WHRN: variants seen among roughly 807,000 people sequenced by gnomAD.
WHRN encodes the protein CASK-interacting protein CIP98.
In WHRN, 41 loss-of-function variants were observed where a neutral mutation model predicts 68.3. That is an observed-to-expected ratio of 0.60 (90% CI 0.47 to 0.78). The LOEUF (loss-of-function observed/expected upper bound fraction) is 0.78. WHRN is among the 30% of genes least tolerant of loss of function. The pLI is 0.00. For missense variants in WHRN, 1,243 were observed against 1,244.7 expected, an observed-to-expected ratio of 1.00 and a Z score of 0.02; for synonymous variants, 560 against 561.3, an observed-to-expected ratio of 1.00 and a Z score of 0.03.
At chr9:114,403,766 C>T (rs1834829843) in intron 10 of WHRN, 130 bp downstream of exon 10, 8 of 1,172,374 alleles carry the variant, frequency 6.8e-6, no homozygotes, top group Non-Finnish European at 1.0e-5. Flanking sequence ...CAAATCCCTC[C>T]AGTTATAGGG....
At chr9:114,471,569 A>G (rs1217379328) in intron 2 of WHRN, among the ~76,000 whole-genome samples, 2 of 152,178 alleles carry the variant, frequency 1.3e-5, no homozygotes, top group East Asian at 3.8e-4. Context: ...CAGTCTATAA[A>G]AAGAATTGTG....
intron 3 of WHRN, among the ~76,000 whole-genome samples, chr9:114,442,659 T>C (rs141657124): frequency 6.6e-6 from 1 of 152,144 alleles, no homozygotes; most frequent in East Asian, 1.9e-4. Flanking sequence ...GGAGATCTAG[T>C]TGTCAAAAAG....
intron 3 of WHRN, among the ~76,000 whole-genome samples, chr9:114,444,152 T>C (rs781479851): frequency 2.0e-5 from 3 of 152,136 alleles, no homozygotes; most frequent in Non-Finnish European, 4.4e-5. Flanking sequence ...CCGTACCCCA[T>C]CTAGATGAGG....
intron 1 of WHRN, among the ~76,000 whole-genome samples, chr9:114,479,121 C>T (rs1042298016): frequency 6.6e-6 from 1 of 152,178 alleles, no homozygotes; most frequent in African/African-American, 2.4e-5. Context: ...TCCCACCATT[C>T]CCTGACTGAG....
chr9:114,468,869 C>T (rs1486639401), intron 2 of WHRN, among the ~76,000 whole-genome samples: 1 of 152,190 alleles, frequency 6.6e-6, no homozygotes, highest in Non-Finnish European at 1.5e-5. Flanking sequence ...TCTGAGGGCA[C>T]CTGGGTTCAA....
chr9:114,492,001 T>C, intron 1 of WHRN, among the ~76,000 whole-genome samples: 1 of 119,572 alleles, frequency 8.4e-6, no homozygotes, highest in South Asian at 3.5e-4. Flanking sequence ...GTATTAAAAG[T>C]AGCTTTGTAA....
rs1842116830 is a variant in WHRN, at chr9:114,481,861, T to C, written c.619-3090A>G. Among the ~76,000 whole-genome samples, 3 of 152,272 alleles carry C rather than the reference T, an allele frequency of 2.0e-5. No homozygotes were observed. The South Asian group carries it at 6.2e-4, about 32-fold the overall frequency. ...ACACATCAGGTCCTCATGACACTTA[T>C]GCCTGGTGAGGAACAAGGCATTGCC... On this transcript the variant is annotated intron_variant, in intron 1 of 11. Transcript: ENST00000362057.
chr9:114,410,255 C>T (rs937161549), intron 7 of WHRN, among the ~76,000 whole-genome samples: 4 of 152,230 alleles, frequency 2.6e-5, no homozygotes, highest in Non-Finnish European at 5.9e-5. Context: ...CTGTCTGTCT[C>T]TCTCAATAGG....
At chr9:114,501,940 T>C (rs938870806) in intron 1 of WHRN, among the ~76,000 whole-genome samples, 6 of 152,238 alleles carry the variant, frequency 3.9e-5, no homozygotes, top group Non-Finnish European at 7.3e-5. Flanking sequence ...CTCTTAATTT[T>C]GTGGAAATGT....
rs538864024 is a variant in WHRN, at chr9:114,409,908, T to C, written c.1627-1890A>G. Among the ~76,000 whole-genome samples, 11 of 152,026 alleles carry C rather than the reference T, an allele frequency of 7.2e-5. No homozygotes were observed. In the South Asian group the frequency reaches 2.1e-3, roughly 29 times the overall value. On this transcript the variant is annotated intron_variant, in intron 7 of 11. Transcript: ENST00000362057. ...GCTAGGGAGTCATGCCAGAAACACA[T>C]GTCAGGTCTCTCTGCAGCTCAGGAC...
At chr9:114,432,326 C>G (rs970479660) in intron 3 of WHRN, among the ~76,000 whole-genome samples, 1 of 152,174 alleles carries the variant, frequency 6.6e-6, no homozygotes. Flanking sequence ...GGCGCAGGAG[C>G]CCCAGGAGGA....
chr9:114,430,424 T>G (rs1837313986), intron 3 of WHRN, among the ~76,000 whole-genome samples: 1 of 152,224 alleles, frequency 6.6e-6, no homozygotes, highest in Non-Finnish European at 1.5e-5. Context: ...CCTGTGTTTT[T>G]ATTACTGAAA....
chr9:114,456,849 G>A (rs890723617), intron 3 of WHRN, among the ~76,000 whole-genome samples: 14 of 150,644 alleles, frequency 9.3e-5, no homozygotes, highest in Admixed American at 9.2e-4. Flanking sequence ...AAAAGTATAT[G>A]GATTAGGAAT....
chr9:114,402,661 C>T lies in WHRN; in HGVS notation c.*93G>A. ...TCTTCCTGCCACCCTGGCCATGCAG[C>T]CCCAACCCCGCAAGGAGCTTGATGA... On this transcript the variant is annotated 3_prime_UTR_variant, in exon 12 of 12. Transcript: ENST00000362057. 1 of 1,529,944 alleles carries T rather than the reference C, an allele frequency of 6.5e-7. No individual in the cohort carries two copies. Among genetic ancestry groups the T allele is most frequent in the Non-Finnish European group, 9.0e-7 (1 of 1,111,860 alleles). The allele number at this position is 1,529,944 out of a possible 1,614,324, so 94.8% of individuals were successfully genotyped here.
chr9:114,436,824 A>G (rs780574888), intron 3 of WHRN, among the ~76,000 whole-genome samples: 86 of 152,126 alleles, frequency 5.7e-4, no homozygotes, highest in Non-Finnish European at 1.0e-3. Context: ...GCAAGACTCC[A>G]TCTCAAAAAA....
chr9:114,466,465 C>T, intron 2 of WHRN, 73 bp from the exon 3 acceptor site: 1 of 1,601,916 alleles, frequency 6.2e-7, no homozygotes, highest in African/African-American at 1.3e-5. Flanking sequence ...GCTGCAAAGC[C>T]CCCTCTCGTA....
intron 7 of WHRN, among the ~76,000 whole-genome samples, chr9:114,418,560 A>T (rs1835997242): frequency 6.6e-6 from 1 of 152,212 alleles, no homozygotes; most frequent in Admixed American, 6.5e-5. Context: ...CCCTGCTCTT[A>T]CCTGCCAAGG....
At chr9:114,478,905 C>T (rs1319544748) in intron 1 of WHRN, 134 bp from the exon 2 acceptor site, 7 of 809,540 alleles carry the variant, frequency 8.6e-6, no homozygotes, top group Non-Finnish European at 4.1e-6. Flanking sequence ...AAGTCCCTTT[C>T]CTTCTCTAGC....
chr9:114,410,970 T>C (rs1589074953), intron 7 of WHRN, among the ~76,000 whole-genome samples: 1 of 152,190 alleles, frequency 6.6e-6, no homozygotes, highest in African/African-American at 2.4e-5. Context: ...TGATGGTAGG[T>C]AAATCCTTCC....
Sources: allele counts gnomAD v4.1 joint callset (sites outside exome capture counted in the v4.1 genomes callset), GRCh38; gene constraint gnomAD v4.1.1; transcripts MANE v1.5; gene names NCBI Gene and HGNC (gene_info 2026-07-23, HGNC 2026-07-21).